Variants in STK10 observed in about 807,000 individuals in gnomAD.
STK10 encodes serine/threonine kinase 10.
A neutral mutation model predicts 113.8 loss-of-function variants in STK10; 78 were observed. The observed-to-expected ratio is 0.69, with a 90% CI of 0.57 to 0.83. The LOEUF (loss-of-function observed/expected upper bound fraction) is 0.83, where lower values mean the gene tolerates loss of function less well. Ranked by LOEUF, STK10 falls within the 40% of genes least tolerant of loss-of-function variation. STK10 has a pLI of 0.00. For synonymous variants in STK10, 465 were observed against 494.7 expected (o/e 0.94, Z 0.80); for missense variants, 1,109 against 1,280.1 (o/e 0.87, Z 2.04).
chr5:172,102,311 T>C (rs1366057138), intron 7 of STK10, among the ~76,000 whole-genome samples: 2 of 151,942 alleles, frequency 1.3e-5, no homozygotes, highest in East Asian at 1.9e-4. Flanking sequence ...GGTGCCTGCA[T>C]GGTTTGGGGC....
intron 1 of STK10, among the ~76,000 whole-genome samples, chr5:172,179,396 AG>A (rs1279257836): frequency 6.6e-6 from 1 of 152,232 alleles, no homozygotes; most frequent in Non-Finnish European, 1.5e-5. Flanking sequence ...GTGACCACCC[AG>A]GGCTGTTCTG....
In STK10 at chr5:172,082,904, T is replaced by C; in HGVS notation, c.1809+57A>G. ...ATCATTCCCACTATGTAGCTTCCAC[T>C]GAGAGAACACCTGGAGGCAAGAAGC... On this transcript the variant is annotated intron_variant, in intron 11 of 18. Coordinates refer to ENST00000176763, the MANE Select transcript of STK10 (RefSeq NM_005990.4). The surrounding 1 kb of genome is among the most constrained non-coding windows in gnomAD (Gnocchi z 4.3). 1 of 1,598,544 alleles carries C rather than the reference T, an allele frequency of 6.3e-7. No homozygotes were observed.
At position 172,042,235 on chromosome 5, in the gene STK10, C is replaced by T. The variant is rs1374922821; in HGVS notation, c.*2647G>A. ...AAAGTTAGTTACATTTACTCTAAAACCAGACAGAGGAAAAAAACCCAGTTC... is the reference window on the plus strand; with the variant it reads ...AAAGTTAGTTACATTTACTCTAAAATCAGACAGAGGAAAAAAACCCAGTTC... On this transcript the variant is annotated 3_prime_UTR_variant, in exon 19 of 19. Transcript: ENST00000176763. 3.3e-5 allele frequency: 5 copies of T among 152,584 alleles called. No homozygotes were observed. The highest frequency in any genetic ancestry group is 1.2e-4 in the African/African-American group (5 of 41,420). 9.5% of individuals were successfully genotyped at this position (152,584 alleles called of 1,614,324 possible).
At chr5:172,075,211 C>T (rs529843078) in intron 12 of STK10, among the ~76,000 whole-genome samples, 3 of 150,610 alleles carry the variant, frequency 2.0e-5, no homozygotes, top group Non-Finnish European at 4.4e-5. Flanking sequence ...CTATACAAGA[C>T]ACTGTTAGGA....
intron 18 of STK10, among the ~76,000 whole-genome samples, chr5:172,052,377 C>A (rs1194106495): frequency 6.6e-6 from 1 of 152,184 alleles, no homozygotes. Flanking sequence ...GAAACTTCAG[C>A]TAAGAGCCCA....
At chr5:172,142,545 T>C (rs1769996486) in intron 2 of STK10, among the ~76,000 whole-genome samples, 1 of 152,210 alleles carries the variant, frequency 6.6e-6, no homozygotes, top group African/African-American at 2.4e-5. Context: ...GAGCTTACTC[T>C]GTGCCGGGCC....
chr5:172,182,716 G>T (rs1770882006), intron 1 of STK10, among the ~76,000 whole-genome samples: 1 of 151,494 alleles, frequency 6.6e-6, no homozygotes, highest in African/African-American at 2.4e-5. Flanking sequence ...ACCACGCCTG[G>T]CTAATTTTTG....
intron 1 of STK10, among the ~76,000 whole-genome samples, chr5:172,176,661 G>C (rs538229932): frequency 6.6e-6 from 1 of 152,158 alleles, no homozygotes; most frequent in Non-Finnish European, 1.5e-5. Flanking sequence ...GGCCCTGGGG[G>C]ACTTAAGGCA....
intron 1 of STK10, among the ~76,000 whole-genome samples, chr5:172,163,646 C>T (rs891242537): frequency 1.3e-5 from 2 of 152,164 alleles, no homozygotes; most frequent in African/African-American, 4.8e-5. Context: ...CACCACACTG[C>T]CAGGAAGCAG....
chr5:172,079,122 G>A (rs139460624), intron 12 of STK10, among the ~76,000 whole-genome samples: 47 of 152,298 alleles, frequency 3.1e-4, no homozygotes, highest in Admixed American at 4.6e-4. Context: ...GATGTTAACA[G>A]GATTATTAAA....
chr5:172,156,435 C>T (rs1770349299), intron 2 of STK10, among the ~76,000 whole-genome samples, 189 bp downstream of exon 2: 1 of 152,250 alleles, frequency 6.6e-6, no homozygotes. Flanking sequence ...ACTAGTTCTA[C>T]TCCCAAGGGG....
intron 14 of STK10, among the ~76,000 whole-genome samples, chr5:172,060,841 C>T (rs542654315): frequency 2.6e-5 from 4 of 152,328 alleles, no homozygotes; most frequent in South Asian, 4.1e-4. Context: ...GCTCAGTCCA[C>T]GCCAAGCTCT....
intron 1 of STK10, among the ~76,000 whole-genome samples, chr5:172,178,782 G>A (rs556271450): frequency 2.6e-4 from 40 of 152,222 alleles, no homozygotes; most frequent in African/African-American, 9.1e-4. Context: ...ACCGTCTGCC[G>A]GGCTGAATAA....
At chr5:172,055,154 G>A (rs934515960) in intron 16 of STK10, among the ~76,000 whole-genome samples, 6 of 141,280 alleles carry the variant, frequency 4.2e-5, no homozygotes, top group Non-Finnish European at 4.6e-5. Context: ...ATGGTGACTC[G>A]CACACCCCCT....
intron 13 of STK10, chr5:172,064,246 G>A (rs1435838897): frequency 6.1e-6 from 1 of 163,338 alleles, no homozygotes; most frequent in African/African-American, 2.4e-5. Context: ...GCTTCTGGAG[G>A]TGACGAAGGA....
intron 2 of STK10, among the ~76,000 whole-genome samples, chr5:172,138,824 A>G (rs1769921080): frequency 6.6e-6 from 1 of 152,064 alleles, no homozygotes; most frequent in Admixed American, 6.6e-5. Flanking sequence ...CATCCTGGCT[A>G]ACACAGTGAA....
intron 12 of STK10, among the ~76,000 whole-genome samples, chr5:172,077,891 G>C (rs1229778033): frequency 6.6e-6 from 1 of 152,132 alleles, no homozygotes; most frequent in Non-Finnish European, 1.5e-5. Context: ...TGTTGCATAT[G>C]CGTATGGTCT....
At chr5:172,138,838 C>T (rs1175772650) in intron 2 of STK10, among the ~76,000 whole-genome samples, 6 of 151,986 alleles carry the variant, frequency 3.9e-5, no homozygotes, top group African/African-American at 1.5e-4. Flanking sequence ...CAGTGAAACC[C>T]CGTCTCTACT....
intron 12 of STK10, among the ~76,000 whole-genome samples, chr5:172,077,152 T>C (rs917527295): frequency 6.6e-6 from 1 of 152,208 alleles, no homozygotes; most frequent in Non-Finnish European, 1.5e-5. Flanking sequence ...TCAGAAAACC[T>C]GCATTCTAGT....
Sources: gnomAD v4.1 joint callset for allele counts (sites outside exome capture counted in the v4.1 genomes callset) on GRCh38, gnomAD v4.1.1 for gene constraint, Gnocchi (gnomAD v3.1) non-coding constraint, MANE v1.5 for transcripts, NCBI Gene and HGNC (gene_info 2026-07-23, HGNC 2026-07-21) for gene names.